Variants in KAT6A observed in about 807,000 individuals in gnomAD.
KAT6A encodes lysine acetyltransferase 6A.
In KAT6A, 9 loss-of-function variants were observed where a neutral mutation model predicts 198.4. The ratio of observed to expected loss-of-function variants is 0.05; its 90% confidence interval spans 0.03 to 0.08. The LOEUF is 0.08. Among genes scored for constraint, KAT6A ranks in the 10% least tolerant of loss-of-function variants. KAT6A has a pLI of 1.00. For missense variants in KAT6A, 2,077 were observed against 2,509.9 expected, an observed-to-expected ratio of 0.83 and a Z score of 3.69; for synonymous variants, 890 against 883.0, an observed-to-expected ratio of 1.01 and a Z score of -0.14.
At chr8:42,020,093 A>G (rs985888402) in intron 2 of KAT6A, among the ~76,000 whole-genome samples, 1 of 152,160 alleles carries the variant, frequency 6.6e-6, no homozygotes, top group Non-Finnish European at 1.5e-5. Flanking sequence ...AACTATTTTC[A>G]TATCTTATAA....
intron 2 of KAT6A, among the ~76,000 whole-genome samples, chr8:41,995,989 C>A (rs985031970): frequency 6.6e-6 from 1 of 152,090 alleles, no homozygotes; most frequent in East Asian, 1.9e-4. Context: ...ATTTTCATTT[C>A]TTTCCCCCAA....
chr8:42,019,207 T>C (rs1826412905), intron 2 of KAT6A, among the ~76,000 whole-genome samples: 1 of 152,234 alleles, frequency 6.6e-6, no homozygotes. Context: ...GAGATACCTC[T>C]ATTGAGAGGC....
chr8:42,036,010 A>G lies in KAT6A; in HGVS notation c.600+12368T>C, dbSNP rs139246249. On this transcript the variant is annotated intron_variant, in intron 2 of 16. Coordinates refer to ENST00000265713, the MANE Select transcript of KAT6A (RefSeq NM_006766.5). ...AAAAGAATGGAGAGATGAGCCTTTCACACTTCTTTCACTGTCCTATGACAA... is the reference window on the plus strand; with the variant it reads ...AAAAGAATGGAGAGATGAGCCTTTCGCACTTCTTTCACTGTCCTATGACAA... Among the ~76,000 whole-genome samples the G allele has an allele frequency of 6.2e-3, 946 of 152,266 alleles. 7 individuals are homozygous for G. The highest frequency in any genetic ancestry group is 0.022 in the African/African-American group (920 of 41,546).
At chr8:41,947,987 C>T (rs1158780379) in intron 10 of KAT6A, 75 bp from the exon 11 acceptor site, 1 of 1,230,098 alleles carries the variant, frequency 8.1e-7, no homozygotes, top group African/African-American at 1.5e-5. Flanking sequence ...CAGTTAAAAG[C>T]ATCTCTAGAT....
chr8:42,017,379 C>T (rs940855053), intron 2 of KAT6A, among the ~76,000 whole-genome samples: 21 of 152,056 alleles, frequency 1.4e-4, no homozygotes, highest in African/African-American at 4.8e-4. Flanking sequence ...AATGAACAGA[C>T]TATCATAATA....
chr8:41,997,244 CA>C (rs1398753082), intron 2 of KAT6A, among the ~76,000 whole-genome samples: 4 of 152,100 alleles, frequency 2.6e-5, no homozygotes, highest in Non-Finnish European at 5.9e-5. Flanking sequence ...CATATTCTCA[CA>C]AATCAGATGA....
intron 8 of KAT6A, chr8:41,957,342 T>C (rs1477148889): frequency 3.7e-6 from 2 of 543,638 alleles, no homozygotes; most frequent in Middle Eastern, 4.6e-4. Flanking sequence ...TTTACGAAGA[T>C]TTAGAAATCA....
intron 16 of KAT6A, among the ~76,000 whole-genome samples, chr8:41,936,099 T>C (rs770069211): frequency 2.6e-5 from 4 of 151,880 alleles, no homozygotes; most frequent in Non-Finnish European, 5.9e-5. Context: ...CCGTCTCTAC[T>C]AAAAATACAA....
At chr8:41,934,993 G>T in intron 16 of KAT6A, 126 bp from the exon 17 acceptor site, 1 of 784,884 alleles carries the variant, frequency 1.3e-6, no homozygotes, top group Non-Finnish European at 2.0e-6. Flanking sequence ...ACTCCTGATT[G>T]TCTTCATTTT....
At chr8:42,008,297 C>G (rs1011187635) in intron 2 of KAT6A, among the ~76,000 whole-genome samples, 1 of 152,094 alleles carries the variant, frequency 6.6e-6, no homozygotes, top group Non-Finnish European at 1.5e-5. Context: ...ATTTTCAACT[C>G]CAAAAATCCT....
rs745627517 is a variant in KAT6A, at chr8:41,932,229, G to C, written c.5991C>G (p.Leu1997=). The C allele has an allele frequency of 1.2e-6, 2 of 1,607,982 alleles. No individual in the cohort carries two copies. The highest frequency in any genetic ancestry group is 3.4e-5 in the Admixed American group (2 of 59,182). ...MNAAGVPKQS[L]NGPYMRR Reference sequence around the variant, plus strand: ...CTCATCTTCTCATGTAAGGTCCGTTGAGTGACTGCTTGGGCACGCCAGCAG... The same window carrying C: ...CTCATCTTCTCATGTAAGGTCCGTTCAGTGACTGCTTGGGCACGCCAGCAG... The change falls in exon 17 of 17, where the codon CTC becomes CTG. Residue 1997 remains leucine (L), a synonymous_variant. Transcript: ENST00000265713.
chr8:41,999,165 A>C (rs1407504127), intron 2 of KAT6A, among the ~76,000 whole-genome samples: 1 of 152,148 alleles, frequency 6.6e-6, no homozygotes, highest in Non-Finnish European at 1.5e-5. Context: ...ATACTCTAAC[A>C]ATCTTCTATT....
At chr8:41,948,949 ATC>A (rs1294923980) in intron 10 of KAT6A, among the ~76,000 whole-genome samples, 3 of 152,270 alleles carry the variant, frequency 2.0e-5, no homozygotes, top group Admixed American at 6.5e-5. Flanking sequence ...TATTAAACAG[ATC>A]TCTGTGAGAT....
chr8:41,973,217 T>A (rs544359641), intron 8 of KAT6A, among the ~76,000 whole-genome samples: 1 of 152,218 alleles, frequency 6.6e-6, no homozygotes, highest in East Asian at 1.9e-4. Context: ...ACCCTCGGCA[T>A]CAGCCTTAGA....
At chr8:42,016,705 TAAAG>T (rs962364532) in intron 2 of KAT6A, among the ~76,000 whole-genome samples, 13 of 152,120 alleles carry the variant, frequency 8.5e-5, no homozygotes, top group Non-Finnish European at 1.5e-5. Context: ...GGCTTTACTA[TAAAG>T]AGAGGAGGGA....
intron 2 of KAT6A, among the ~76,000 whole-genome samples, chr8:41,996,488 CATCTATAAAGT>C (rs1825209991): frequency 1.3e-5 from 2 of 152,154 alleles, no homozygotes; most frequent in African/African-American, 2.4e-5. Context: ...AAATACAAAA[CATCTATAAAGT>C]ATCTATGGTT....
At chr8:42,020,243 G>A (rs1020716050) in intron 2 of KAT6A, among the ~76,000 whole-genome samples, 9 of 152,152 alleles carry the variant, frequency 5.9e-5, no homozygotes, top group Non-Finnish European at 1.0e-4. Context: ...GTAATCAGCA[G>A]AGACTGTATG....
intron 2 of KAT6A, among the ~76,000 whole-genome samples, chr8:42,029,102 G>A (rs1826982858): frequency 6.6e-6 from 1 of 152,032 alleles, no homozygotes; most frequent in Admixed American, 6.6e-5. Context: ...CATTCTTCCA[G>A]TATTTTGAAT....
At chr8:41,991,127 A>T (rs1824924306) in intron 2 of KAT6A, among the ~76,000 whole-genome samples, 1 of 152,206 alleles carries the variant, frequency 6.6e-6, no homozygotes, top group South Asian at 2.1e-4. Flanking sequence ...ATACCACATG[A>T]TCCAGCACTT....
Sources: allele counts gnomAD v4.1 joint callset (sites outside exome capture counted in the v4.1 genomes callset), GRCh38; gene constraint gnomAD v4.1.1; transcripts MANE v1.5; gene names NCBI Gene and HGNC (gene_info 2026-07-23, HGNC 2026-07-21).